Variants in KCNAB1 observed in about 807,000 individuals in gnomAD.
KCNAB1 encodes voltage-gated potassium channel subunit beta-1.
In KCNAB1, 35 loss-of-function variants were observed where a neutral mutation model predicts 64.6. The ratio of observed to expected loss-of-function variants is 0.54; its 90% CI spans 0.41 to 0.72. The LOEUF (loss-of-function observed/expected upper bound fraction) is 0.72, where lower values mean the gene tolerates loss of function less well. Among genes scored for constraint, KCNAB1 ranks in the 30% least tolerant of loss-of-function variants. The pLI is 0.00. For missense variants in KCNAB1, 401 were observed against 512.9 expected (o/e 0.78, Z 2.11); for synonymous variants, 177 against 183.8 (o/e 0.96, Z 0.30).
intron 1 of KCNAB1, among the ~76,000 whole-genome samples, chr3:156,148,301 C>T (rs913306413): frequency 6.6e-6 from 1 of 152,104 alleles, no homozygotes; most frequent in African/African-American, 2.4e-5. Context: ...ATCTTATTGT[C>T]AAAATTGTGC....
At chr3:156,158,801 G>A (rs1346246129) in intron 1 of KCNAB1, among the ~76,000 whole-genome samples, 1 of 151,988 alleles carries the variant, frequency 6.6e-6, no homozygotes, top group Non-Finnish European at 1.5e-5. Context: ...CAACTGTCAG[G>A]GTTACACCCT....
rs570611466 is a variant in KCNAB1 at position 156,130,264 on chromosome 3, G to C, written c.275+9378G>C. 1.2e-3 allele frequency among the ~76,000 whole-genome samples: 177 copies of C among 152,292 alleles called. 2 individuals carry two copies. The highest frequency in any genetic ancestry group is 4.1e-3 in the African/African-American group (171 of 41,556). ...GGGCTCTACGTCAGCTTAGAACATG[G>C]CTTAAGAGCATGGTTACCCCAATCT... On this transcript the variant is annotated intron_variant, in intron 1 of 13. Transcript: ENST00000490337.
intron 1 of KCNAB1, among the ~76,000 whole-genome samples, chr3:156,349,834 G>GGAT (rs1724737730): frequency 6.6e-6 from 1 of 152,160 alleles, no homozygotes; most frequent in African/African-American, 2.4e-5. Context: ...CGAAGTGTTA[G>GGAT]GATTACAGGC....
At chr3:156,397,464 C>T (rs1187937882) in intron 1 of KCNAB1, among the ~76,000 whole-genome samples, 1 of 152,136 alleles carries the variant, frequency 6.6e-6, no homozygotes, top group Non-Finnish European at 1.5e-5. Flanking sequence ...TCAGGAATGG[C>T]TCATGTGGGA....
chr3:156,166,401 G>A (rs1434394014), intron 1 of KCNAB1, among the ~76,000 whole-genome samples: 2 of 152,084 alleles, frequency 1.3e-5, no homozygotes, highest in Non-Finnish European at 2.9e-5. Context: ...GTAATATAAG[G>A]AGCTATAAAG....
intron 12 of KCNAB1, among the ~76,000 whole-genome samples, chr3:156,526,473 T>C (rs2108415327): frequency 1.3e-5 from 2 of 152,348 alleles, no homozygotes; most frequent in African/African-American, 4.8e-5. Flanking sequence ...ATTGAGATAT[T>C]TTACTTTGTT....
chr3:156,306,049 G>C (rs573498677), intron 1 of KCNAB1, among the ~76,000 whole-genome samples: 2 of 152,276 alleles, frequency 1.3e-5, no homozygotes, highest in Admixed American at 6.5e-5. Flanking sequence ...TTAAAGTAGT[G>C]AACAGATCAA....
At chr3:156,154,335 C>G (rs1316084511) in intron 1 of KCNAB1, among the ~76,000 whole-genome samples, 2 of 152,156 alleles carry the variant, frequency 1.3e-5, no homozygotes, top group African/African-American at 4.8e-5. Context: ...CCAGTTGTCC[C>G]TCAATCCCAC....
intron 4 of KCNAB1, among the ~76,000 whole-genome samples, chr3:156,457,901 T>C (rs550025607): frequency 3.9e-5 from 6 of 152,318 alleles, no homozygotes; most frequent in African/African-American, 7.2e-5. Context: ...GATTCCAAAA[T>C]GGTTGCTCAA....
chr3:156,371,940 T>G (rs1251674844), intron 1 of KCNAB1, among the ~76,000 whole-genome samples: 1 of 152,196 alleles, frequency 6.6e-6, no homozygotes, highest in African/African-American at 2.4e-5. Flanking sequence ...CAAACTAATT[T>G]TATTGTAGCA....
intron 2 of KCNAB1, among the ~76,000 whole-genome samples, chr3:156,424,433 T>G (rs2108230960): frequency 6.6e-6 from 1 of 152,272 alleles, no homozygotes; most frequent in South Asian, 2.1e-4. Flanking sequence ...AATTTATGGC[T>G]CTGATATTGT....
chr3:156,341,762 C>T (rs556396124), intron 1 of KCNAB1, among the ~76,000 whole-genome samples: 2 of 152,282 alleles, frequency 1.3e-5, no homozygotes, highest in East Asian at 1.9e-4. Context: ...TGCATACATA[C>T]ATATACATAT....
intron 7 of KCNAB1, among the ~76,000 whole-genome samples, chr3:156,473,567 A>T (rs530558275): frequency 6.6e-6 from 1 of 152,304 alleles, no homozygotes; most frequent in East Asian, 1.9e-4. Context: ...TGTCTGCCCT[A>T]ATCTCTTCAT....
At chr3:156,531,369 A>G in intron 12 of KCNAB1, 40 bp from the exon 13 acceptor site, 1 of 1,412,270 alleles carries the variant, frequency 7.1e-7, no homozygotes, top group Non-Finnish European at 1.0e-6. Context: ...CAACGATTGG[A>G]AGTGCTTTGA....
intron 1 of KCNAB1, among the ~76,000 whole-genome samples, chr3:156,129,100 T>C (rs912925961): frequency 1.3e-5 from 2 of 152,032 alleles, no homozygotes; most frequent in Non-Finnish European, 2.9e-5. Context: ...TTACAACCCA[T>C]ATCCTTCAGT....
chr3:156,330,839 T>C (rs532172875), intron 1 of KCNAB1, among the ~76,000 whole-genome samples: 1 of 152,314 alleles, frequency 6.6e-6, no homozygotes, highest in East Asian at 1.9e-4. Context: ...GCTGCATGGC[T>C]TCTCAAAGCT....
At chr3:156,384,364 G>A (rs1355055787) in intron 1 of KCNAB1, among the ~76,000 whole-genome samples, 1 of 152,186 alleles carries the variant, frequency 6.6e-6, no homozygotes, top group East Asian at 1.9e-4. Context: ...CAGCCTAGTA[G>A]CCCGATAGTA....
In KCNAB1 at chr3:156,487,896, T is replaced by TA. The variant is rs113777319; in HGVS notation, c.658+13086dup. On this transcript the variant is annotated intron_variant, in intron 8 of 13. Transcript: ENST00000490337. ...TTAACAAAAAGCCAAAAAAGGGAGATAAAAAAAAAATAAAAAATGGGTAAG... is the reference window on the plus strand; with the variant it reads ...TTAACAAAAAGCCAAAAAAGGGAGATAAAAAAAAAAATAAAAAATGGGTAAG... 2.6e-3 allele frequency among the ~76,000 whole-genome samples: 380 copies of TA among 148,086 alleles called. 9 individuals carry two copies. In the East Asian group the frequency reaches 0.057, roughly 22 times the overall value.
intron 1 of KCNAB1, among the ~76,000 whole-genome samples, chr3:156,408,056 T>G: frequency 6.6e-6 from 1 of 150,642 alleles, no homozygotes. Context: ...GGGGAGGGGG[T>G]GCAGTGGCGG....
Sources: allele counts gnomAD v4.1 joint callset (sites outside exome capture counted in the v4.1 genomes callset), GRCh38; gene constraint gnomAD v4.1.1; transcripts MANE v1.5; gene names NCBI Gene and HGNC (gene_info 2026-07-23, HGNC 2026-07-21).